ABCC1: variants seen among roughly 807,000 people sequenced by gnomAD.
The protein encoded by ABCC1 is multidrug resistance-associated protein 1.
Under a neutral mutation model 172.9 loss-of-function variants are expected in ABCC1, and 83 were observed. That is an observed-to-expected ratio of 0.48 (90% CI 0.40 to 0.58). The LOEUF (loss-of-function observed/expected upper bound fraction) is 0.58, where lower values mean the gene tolerates loss of function less well. ABCC1 is among the 20% of genes least tolerant of loss of function. ABCC1 has a pLI of 0.00. For synonymous variants in ABCC1, 937 were observed against 825.2 expected (o/e 1.14, Z -2.32); for missense variants, 1,817 against 2,002.7 (o/e 0.91, Z 1.77).
chr16:16,124,315 CTGTGTG>C (rs11270322), intron 24 of ABCC1, among the ~76,000 whole-genome samples: 17 of 36,796 alleles, frequency 4.6e-4, no homozygotes, highest in Non-Finnish European at 8.6e-4. Context: ...TGTTAATGCA[CTGTGTG>C]TGTGTGTGTG....
chr16:16,039,754 GAGA>G (rs1357418172), intron 7 of ABCC1, among the ~76,000 whole-genome samples: 1 of 152,084 alleles, frequency 6.6e-6, no homozygotes, highest in Non-Finnish European at 1.5e-5. Flanking sequence ...TGATTGTTTT[GAGA>G]AGGTCACATT....
At chr16:15,973,716 C>G (rs1421586586) in intron 1 of ABCC1, among the ~76,000 whole-genome samples, 1 of 152,022 alleles carries the variant, frequency 6.6e-6, no homozygotes, top group Non-Finnish European at 1.5e-5. Context: ...TGACTCATGC[C>G]TATAATCCCA....
At chr16:16,079,000 G>T (rs569388162) in intron 15 of ABCC1, among the ~76,000 whole-genome samples, 21 of 152,242 alleles carry the variant, frequency 1.4e-4, no homozygotes, top group African/African-American at 5.1e-4. Flanking sequence ...GTCTTGAGGT[G>T]TCCTCTCCTT....
Position 15,989,068 on chromosome 16 carries a change from C to CAAA in ABCC1, c.49-18726_49-18724dup. ...GAGGAGACAGAGCAAGACTCTGTCT[C>CAAA]AAAAAAAAAAAAAAAAAAAAAAAAT... On this transcript the variant is annotated intron_variant, in intron 1 of 30. Coordinates refer to ENST00000399410, the MANE Select transcript of ABCC1 (RefSeq NM_004996.4). 3.9e-5 allele frequency among the ~76,000 whole-genome samples: 3 copies of CAAA among 76,678 alleles called. 1 individual carries two copies. 50.3% of individuals were successfully genotyped at this position (76,678 alleles called of 152,430 possible).
At chr16:16,098,821 C>T (rs999790354) in intron 19 of ABCC1, 7 of 1,339,706 alleles carry the variant, frequency 5.2e-6, no homozygotes, top group Middle Eastern at 2.1e-4. Flanking sequence ...GGGCTTAGGG[C>T]GGGAGTTTCG....
At chr16:16,137,996 G>A (rs1030576328) in intron 29 of ABCC1, among the ~76,000 whole-genome samples, 7 of 151,862 alleles carry the variant, frequency 4.6e-5, no homozygotes, top group Admixed American at 2.0e-4. Flanking sequence ...GACTACAAGA[G>A]CATGCCACCA....
chr16:16,051,557 T>A (rs780389689), intron 10 of ABCC1, among the ~76,000 whole-genome samples: 4 of 152,128 alleles, frequency 2.6e-5, no homozygotes, highest in Non-Finnish European at 5.9e-5. Flanking sequence ...GGTGCAGGCT[T>A]CCAGGAGTCC....
At chr16:16,124,212 G>A (rs528723004) in intron 24 of ABCC1, among the ~76,000 whole-genome samples, 5 of 152,264 alleles carry the variant, frequency 3.3e-5, no homozygotes, top group African/African-American at 1.2e-4. Flanking sequence ...TTAGCCAAAA[G>A]GCCGAGAAAC....
chr16:16,003,188 GTGGGTAGGGTGGATGGATGAATTGGTGGA>G (rs1382492083), intron 1 of ABCC1, among the ~76,000 whole-genome samples: 1 of 151,852 alleles, frequency 6.6e-6, no homozygotes, highest in East Asian at 1.9e-4. Flanking sequence ...GAATTGGTAG[GTGGGTAGGGTGGATGGATGAATTGGTGGA>G]TGGGTAGGTG....
chr16:16,094,870 T>C (rs1472888960), intron 19 of ABCC1, among the ~76,000 whole-genome samples: 1 of 139,640 alleles, frequency 7.2e-6, no homozygotes, highest in Non-Finnish European at 1.5e-5. Flanking sequence ...CAGGCTGGAG[T>C]GTAGTGGCAC....
intron 24 of ABCC1, among the ~76,000 whole-genome samples, chr16:16,124,351 TTATAG>T: frequency 1.2e-4 from 4 of 32,900 alleles, no homozygotes; most frequent in Admixed American, 3.1e-4. Flanking sequence ...GTGTGTGTGA[TTATAG>T]GAGTGACCCA....
chr16:16,044,382 C>A, intron 7 of ABCC1, 68 bp from the exon 8 acceptor site: 1 of 1,363,638 alleles, frequency 7.3e-7, no homozygotes, highest in Non-Finnish European at 1.0e-6. Context: ...ATTCCCTGGC[C>A]ATGTCCCTGT....
Position 16,071,631 on chromosome 16 carries a change from T to A in ABCC1, c.1825-11T>A. The A allele has an allele frequency of 6.2e-7, 1 of 1,612,894 alleles. No homozygotes were observed. The highest frequency in any genetic ancestry group is 8.5e-7 in the Non-Finnish European group (1 of 1,179,180). Reference sequence around the variant, plus strand: ...AAAAATAACTCTCCCCTGCCATTGCTCTCTGTACAGGCGAGTGTCTCCCTC... The same window carrying A: ...AAAAATAACTCTCCCCTGCCATTGCACTCTGTACAGGCGAGTGTCTCCCTC... On this transcript the variant is annotated splice_polypyrimidine_tract_variant and intron_variant, in intron 13 of 30. Transcript: ENST00000399410.
chr16:16,135,733 G>C (rs1386516737), intron 28 of ABCC1, among the ~76,000 whole-genome samples: 2 of 152,172 alleles, frequency 1.3e-5, no homozygotes, highest in African/African-American at 4.8e-5. Flanking sequence ...TGGGATTACA[G>C]GGGTGAGCCA....
intron 17 of ABCC1, among the ~76,000 whole-genome samples, chr16:16,084,926 C>T (rs954624353): frequency 4.6e-5 from 7 of 152,234 alleles, no homozygotes; most frequent in Middle Eastern, 3.4e-3. Context: ...CGGCCTATAA[C>T]TTGAGTATTT....
At chr16:15,957,341 C>T (rs1191084415) in intron 1 of ABCC1, among the ~76,000 whole-genome samples, 1 of 151,414 alleles carries the variant, frequency 6.6e-6, no homozygotes, top group African/African-American at 2.4e-5. Context: ...CTGCCTTGGC[C>T]TCCCAAAGTG....
chr16:16,122,711 TAAAA>T (rs34383577), intron 24 of ABCC1, among the ~76,000 whole-genome samples: 1,282 of 116,228 alleles, frequency 0.011, 10 homozygotes, highest in Middle Eastern at 0.036. Flanking sequence ...CCATCTCTCT[TAAAA>T]AAAAAAAAAA....
At chr16:16,033,058 C>G in intron 5 of ABCC1, 51 bp from the exon 6 acceptor site, 3 of 1,574,418 alleles carry the variant, frequency 1.9e-6, no homozygotes, top group Non-Finnish European at 2.6e-6. Context: ...GATGAAAAGT[C>G]AAATCATTCC....
At chr16:16,014,059 C>G (rs1218507313) in intron 3 of ABCC1, among the ~76,000 whole-genome samples, 2 of 152,170 alleles carry the variant, frequency 1.3e-5, no homozygotes, top group Non-Finnish European at 2.9e-5. Flanking sequence ...AACATCTTGT[C>G]TATGGCCACT....
Sources: gnomAD v4.1 joint callset for allele counts (sites outside exome capture counted in the v4.1 genomes callset) on GRCh38, gnomAD v4.1.1 for gene constraint, MANE v1.5 for transcripts, NCBI Gene and HGNC (gene_info 2026-07-23, HGNC 2026-07-21) for gene names.